HDAC9: variants seen among roughly 807,000 people sequenced by gnomAD.
HDAC9 encodes the protein MEF-2 interacting transcription repressor (MITR) protein.
In HDAC9, 41 loss-of-function variants were observed where a neutral mutation model predicts 139.4. The observed-to-expected ratio is 0.29, with a 90% confidence interval of 0.23 to 0.38. The LOEUF (loss-of-function observed/expected upper bound fraction) is 0.38, where lower values mean the gene tolerates loss of function less well. Ranked by LOEUF, HDAC9 falls within the 10% of genes least tolerant of loss-of-function variation. The pLI is 1.00. For missense variants in HDAC9, 1,147 were observed against 1,297.0 expected, an observed-to-expected ratio of 0.88 and a Z score of 1.78; for synonymous variants, 517 against 476.2, an observed-to-expected ratio of 1.09 and a Z score of -1.12.
At chr7:18,571,535 G>A (rs143503355) in intron 2 of HDAC9, among the ~76,000 whole-genome samples, 74 of 152,222 alleles carry the variant, frequency 4.9e-4, no homozygotes, top group African/African-American at 1.5e-3. Flanking sequence ...ATATCCAGCC[G>A]TTTAAAGAAA....
intron 15 of HDAC9, among the ~76,000 whole-genome samples, chr7:18,764,461 C>G (rs945947585): frequency 6.6e-6 from 1 of 152,054 alleles, no homozygotes; most frequent in Admixed American, 6.6e-5. Context: ...TCAACTGTAT[C>G]AACACTTCAA....
At chr7:18,792,937 G>T (rs185403464) in intron 16 of HDAC9, among the ~76,000 whole-genome samples, 2 of 152,076 alleles carry the variant, frequency 1.3e-5, no homozygotes, top group African/African-American at 2.4e-5. Context: ...TTGCAAATCC[G>T]ATTTTTATGT....
At chr7:18,817,109 A>G (rs1794623822) in intron 17 of HDAC9, among the ~76,000 whole-genome samples, 1 of 150,984 alleles carries the variant, frequency 6.6e-6, no homozygotes, top group Non-Finnish European at 1.5e-5. Flanking sequence ...ATCTGGGCTC[A>G]CTGCAAGCTC....
intron 2 of HDAC9, among the ~76,000 whole-genome samples, chr7:18,238,053 A>G (rs1401223461): frequency 2.0e-5 from 3 of 152,202 alleles, no homozygotes; most frequent in Admixed American, 6.5e-5. Context: ...GTGAAATTTC[A>G]GTGAACCAAT....
intron 2 of HDAC9, chr7:18,505,880 A>T (rs567234592): frequency 6.6e-6 from 1 of 152,214 alleles, no homozygotes; most frequent in Non-Finnish European, 1.5e-5. Context: ...GCAGATGTCC[A>T]CATGTCTGTG....
chr7:18,966,771 T>TA (rs1418253293), intron 24 of HDAC9, among the ~76,000 whole-genome samples: 1 of 152,118 alleles, frequency 6.6e-6, no homozygotes, highest in Non-Finnish European at 1.5e-5. Flanking sequence ...TAGGTGTGAA[T>TA]AAAGTATGTT....
intron 17 of HDAC9, among the ~76,000 whole-genome samples, chr7:18,797,061 C>T (rs1195356885): frequency 6.6e-6 from 1 of 152,166 alleles, no homozygotes; most frequent in Non-Finnish European, 1.5e-5. Context: ...ATAACTGCTA[C>T]TCATTGAGTG....
At chr7:18,698,197 C>G (rs908360431) in intron 12 of HDAC9, among the ~76,000 whole-genome samples, 1 of 152,184 alleles carries the variant, frequency 6.6e-6, no homozygotes, top group African/African-American at 2.4e-5. Flanking sequence ...TTTTCTCCCC[C>G]TACACCAAAT....
chr7:18,988,135 G>T, intron 25 of HDAC9, among the ~76,000 whole-genome samples: 1 of 152,078 alleles, frequency 6.6e-6, no homozygotes, highest in Non-Finnish European at 1.5e-5. Flanking sequence ...TGCTTTTCTA[G>T]TTCTTTTAAT....
At chr7:18,836,699 T>G (rs1055333454) in intron 21 of HDAC9, among the ~76,000 whole-genome samples, 1 of 152,168 alleles carries the variant, frequency 6.6e-6, no homozygotes, top group African/African-American at 2.4e-5. Flanking sequence ...AAATGAGCAT[T>G]TCTTCTCTGG....
chr7:18,125,394 C>T (rs1399478677), intron 1 of HDAC9, among the ~76,000 whole-genome samples: 3 of 150,702 alleles, frequency 2.0e-5, no homozygotes, highest in Admixed American at 1.3e-4. Flanking sequence ...CTCTTTTTTC[C>T]AAGGGAATGT....
At chr7:18,920,570 C>A (rs947513498) in intron 22 of HDAC9, among the ~76,000 whole-genome samples, 73 of 151,910 alleles carry the variant, frequency 4.8e-4, no homozygotes, top group Non-Finnish European at 6.8e-4. Flanking sequence ...CTGTCTTGTG[C>A]CAGTTTTCAA....
At chr7:18,808,835 T>G (rs1379523466) in intron 17 of HDAC9, among the ~76,000 whole-genome samples, 4 of 151,860 alleles carry the variant, frequency 2.6e-5, no homozygotes, top group Non-Finnish European at 5.9e-5. Context: ...GCCAAAGTAA[T>G]GTTAAACAAA....
At chr7:18,860,196 G>A (rs549184638) in intron 21 of HDAC9, among the ~76,000 whole-genome samples, 6 of 151,876 alleles carry the variant, frequency 4.0e-5, no homozygotes, top group East Asian at 1.9e-4. Context: ...CAAAGTGCAC[G>A]TGTCACCAGC....
intron 22 of HDAC9, among the ~76,000 whole-genome samples, chr7:18,905,863 T>TTTCTTTCCTTTCTTTTCC (rs1239738920): frequency 3.3e-5 from 5 of 151,726 alleles, no homozygotes; most frequent in Non-Finnish European, 2.9e-5. Flanking sequence ...TCTTTCTTTC[T>TTTCTTTCCTTTCTTTTCC]TTCTTTCCTT....
chr7:18,127,162 G>A (rs1412855706), intron 1 of HDAC9: 1 of 167,946 alleles, frequency 6.0e-6, no homozygotes, highest in East Asian at 1.9e-4. Flanking sequence ...CTCTTCACCA[G>A]TGTCTAGATT....
intron 2 of HDAC9, among the ~76,000 whole-genome samples, chr7:18,247,979 T>G (rs985819299): frequency 2.6e-5 from 4 of 152,164 alleles, no homozygotes; most frequent in Non-Finnish European, 5.9e-5. Flanking sequence ...TGTGGAAAAT[T>G]TTGAAGTCAT....
rs1795397865 is a variant in HDAC9 at position 18,258,032 on chromosome 7, A to AT, written c.25+95684dup. Among the ~76,000 whole-genome samples the AT allele has an allele frequency of 3.9e-5, 6 of 152,242 alleles. No individual in the cohort carries two copies. In the South Asian group the frequency reaches 1.2e-3, roughly 31 times the overall value. ...CCTTCAAGGCACTGTTGAGAAGCAC[A>AT]TATTAAAGTATCTAAGTTGACTTAA... is the stretch of plus-strand genomic sequence containing the variant. On this transcript the variant is annotated intron_variant, in intron 2 of 12. Transcript: ENST00000417496.
At chr7:18,856,372 C>T (rs1329485257) in intron 21 of HDAC9, among the ~76,000 whole-genome samples, 4 of 152,022 alleles carry the variant, frequency 2.6e-5, no homozygotes, top group African/African-American at 4.8e-5. Flanking sequence ...CCCTAAAAAT[C>T]AAAATCTATT....
Sources: allele counts gnomAD v4.1 joint callset (sites outside exome capture counted in the v4.1 genomes callset), GRCh38; gene constraint gnomAD v4.1.1; transcripts MANE v1.5; gene names NCBI Gene and HGNC (gene_info 2026-07-23, HGNC 2026-07-21).